The following PCDH11Y variants were observed in gnomAD, a reference collection of about 807,000 sequenced individuals.
PCDH11Y encodes protocadherin-11 Y-linked.
For missense variants in PCDH11Y, 12 were observed against 224.8 expected (o/e 0.05, Z 6.05); for synonymous variants, 9 against 83.6 (o/e 0.11, Z 4.87).
intron 2 of PCDH11Y, among the ~76,000 whole-genome samples, chrY:5,118,518 G>A: frequency 3.2e-5 from 1 of 31,673 alleles, no homozygotes; most frequent in Non-Finnish European, 7.7e-5. Flanking sequence ...GTGAGCCACC[G>A]CACCTGGCCT....
At chrY:5,725,682 C>CA (rs2053598276) in intron 4 of PCDH11Y, among the ~76,000 whole-genome samples, 2 of 31,720 alleles carry the variant, frequency 6.3e-5, no homozygotes, top group Admixed American at 5.8e-4. Flanking sequence ...CAAGCAACAA[C>CA]AAAAAAATAC....
At chrY:5,131,926 A>G in intron 2 of PCDH11Y, among the ~76,000 whole-genome samples, 8 of 33,552 alleles carry the variant, frequency 2.4e-4, no homozygotes, top group Non-Finnish European at 3.0e-4. Context: ...ATATACCTAT[A>G]CATTGTGAAA....
At chrY:5,496,621 C>G in intron 2 of PCDH11Y, among the ~76,000 whole-genome samples, 1 of 31,497 alleles carries the variant, frequency 3.2e-5, no homozygotes, top group Non-Finnish European at 7.7e-5. Context: ...GTTTATCATC[C>G]TTAAAACTGT....
intron 2 of PCDH11Y, among the ~76,000 whole-genome samples, chrY:5,113,131 G>C: frequency 2.9e-5 from 1 of 34,226 alleles, no homozygotes; most frequent in Non-Finnish European, 7.4e-5. Flanking sequence ...TTTTTGAAGT[G>C]CTTCTTGTCA....
intron 2 of PCDH11Y, among the ~76,000 whole-genome samples, chrY:5,151,779 C>A (rs2052864448): frequency 3.0e-5 from 1 of 32,954 alleles, no homozygotes; most frequent in Non-Finnish European, 7.6e-5. Context: ...TCTTTGTGGG[C>A]ACCCACAGTA....
chrY:5,494,717 C>T, intron 2 of PCDH11Y, among the ~76,000 whole-genome samples: 1 of 33,136 alleles, frequency 3.0e-5, no homozygotes, highest in Non-Finnish European at 7.4e-5. Context: ...GTAAAACCCC[C>T]AGAAACATGA....
At chrY:5,226,073 G>A in intron 2 of PCDH11Y, among the ~76,000 whole-genome samples, 1 of 18,691 alleles carries the variant, frequency 5.4e-5, no homozygotes, top group African/African-American at 2.3e-4. Context: ...GTGCAATGAC[G>A]TGCTCTCGGC....
At chrY:5,024,228 T>A (rs2124620309) in intron 1 of PCDH11Y, among the ~76,000 whole-genome samples, 8 of 33,522 alleles carry the variant, frequency 2.4e-4, no homozygotes, top group African/African-American at 9.2e-4. Context: ...AGTTCAGATG[T>A]ACTGAAACAG....
chrY:5,354,356 A>C, intron 2 of PCDH11Y, among the ~76,000 whole-genome samples: 1 of 32,429 alleles, frequency 3.1e-5, no homozygotes, highest in Non-Finnish European at 7.5e-5. Context: ...TCTTTCCTTC[A>C]GGGGTAGGGA....
chrY:5,439,046 GGTTTTCT>G (rs2053277736), intron 2 of PCDH11Y, among the ~76,000 whole-genome samples: 1 of 29,683 alleles, frequency 3.4e-5, no homozygotes, highest in Non-Finnish European at 8.1e-5. Context: ...TGAGATATTT[GGTTTTCT>G]GTTCCTGTGT....
At chrY:5,358,083 C>A in intron 2 of PCDH11Y, among the ~76,000 whole-genome samples, 4 of 33,184 alleles carry the variant, frequency 1.2e-4, no homozygotes, top group Admixed American at 5.6e-4. Context: ...ATTGCAGGAG[C>A]CTGCTACCAC....
intron 4 of PCDH11Y, among the ~76,000 whole-genome samples, chrY:5,685,566 G>A: frequency 3.3e-5 from 1 of 30,704 alleles, no homozygotes; most frequent in Non-Finnish European, 7.9e-5. Context: ...ATATTTTATT[G>A]AAAATAGTGA....
At chrY:5,385,442 C>T (rs1417497989) in intron 2 of PCDH11Y, among the ~76,000 whole-genome samples, 4 of 30,876 alleles carry the variant, frequency 1.3e-4, no homozygotes, top group African/African-American at 5.1e-4. Flanking sequence ...TCATAGTCTC[C>T]GATCCTATCC....
intron 2 of PCDH11Y, among the ~76,000 whole-genome samples, chrY:5,430,358 T>TA (rs2053267639): frequency 2.9e-5 from 1 of 33,926 alleles, no homozygotes; most frequent in Non-Finnish European, 7.3e-5. Flanking sequence ...TTATACATTA[T>TA]AAAACAATAT....
intron 4 of PCDH11Y, among the ~76,000 whole-genome samples, chrY:5,649,272 T>A (rs2124705955): frequency 3.5e-5 from 1 of 28,733 alleles, no homozygotes; most frequent in South Asian, 8.2e-4. Flanking sequence ...AATACTCTGA[T>A]GAAAAGAAAA....
At chrY:5,528,626 C>A in intron 3 of PCDH11Y, among the ~76,000 whole-genome samples, 7 of 33,170 alleles carry the variant, frequency 2.1e-4, no homozygotes, top group South Asian at 1.3e-3. Context: ...AATGCAATTA[C>A]AATGCATCAA....
chrY:5,581,004 T>C (rs370071615), intron 3 of PCDH11Y, among the ~76,000 whole-genome samples: 264 of 32,786 alleles, frequency 8.1e-3, no homozygotes, highest in African/African-American at 0.029. Context: ...GAGTCATCTG[T>C]CCAGATCAAT....
intron 1 of PCDH11Y, among the ~76,000 whole-genome samples, chrY:5,076,571 C>T (rs2052709391): frequency 3.0e-5 from 1 of 33,164 alleles, no homozygotes; most frequent in Non-Finnish European, 7.4e-5. Flanking sequence ...GTATTTACTC[C>T]GATTTGATTT....
chrY:5,179,392 C>T, intron 2 of PCDH11Y, among the ~76,000 whole-genome samples: 10 of 33,317 alleles, frequency 3.0e-4, no homozygotes, highest in Admixed American at 2.8e-4. Context: ...TGTTGAGCTT[C>T]GTTTCATATG....
Sources: gnomAD v4.1 joint callset for allele counts (sites outside exome capture counted in the v4.1 genomes callset) on GRCh38, gnomAD v4.1.1 for gene constraint, MANE v1.5 for transcripts, NCBI Gene and HGNC (gene_info 2026-07-23, HGNC 2026-07-21) for gene names.